The following ASRGL1 variants were observed in gnomAD, a reference collection of about 807,000 sequenced individuals.
ASRGL1 encodes the protein isoaspartyl peptidase/L-asparaginase.
ASRGL1 carries 16 observed loss-of-function variants against 22.4 expected under a neutral mutation model. The ratio of observed to expected loss-of-function variants is 0.71; its 90% confidence interval spans 0.48 to 1.08. The LOEUF (loss-of-function observed/expected upper bound fraction) is 1.08. Ranked by LOEUF, ASRGL1 falls within the 50% of genes least tolerant of loss-of-function variation. ASRGL1 has a pLI of 0.00. For missense variants in ASRGL1, 412 were observed against 410.1 expected (o/e 1.00, Z -0.04); for synonymous variants, 165 against 159.3 (o/e 1.04, Z -0.27).
At chr11:62,357,296 C>A in intron 4 of ASRGL1, 152 bp downstream of exon 4, 2 of 939,692 alleles carry the variant, frequency 2.1e-6, no homozygotes, top group Non-Finnish European at 3.1e-6. Flanking sequence ...GTTGCCCAGA[C>A]TGGAGTACAG....
At chr11:62,351,679 G>T (rs1946170459) in intron 2 of ASRGL1, among the ~76,000 whole-genome samples, 1 of 151,406 alleles carries the variant, frequency 6.6e-6, no homozygotes. Context: ...TTTTTTTGGT[G>T]GGGGTGGGGA....
chr11:62,366,653 T>C (rs1946617808), intron 4 of ASRGL1, among the ~76,000 whole-genome samples: 2 of 152,008 alleles, frequency 1.3e-5, no homozygotes, highest in Non-Finnish European at 2.9e-5. Flanking sequence ...TTCTTATCAG[T>C]CTCATTGTTT....
chr11:62,338,297 A>G (rs1327911471), intron 2 of ASRGL1, 130 bp downstream of exon 2: 1 of 1,024,020 alleles, frequency 9.8e-7, no homozygotes, highest in Non-Finnish European at 1.3e-6. Context: ...AAAAAGAAAC[A>G]ATATTTAATT....
At chr11:62,395,587 G>T (rs1457556953), downstream of ASRGL1, among the ~76,000 whole-genome samples, 1 of 152,036 alleles carries the variant, frequency 6.6e-6, no homozygotes, top group South Asian at 2.1e-4. Context: ...AAAGGAAGGA[G>T]TGGGGCACAC....
Position 62,392,471 on chromosome 11 carries a change from T to TA in ASRGL1, c.*188dup, listed in dbSNP as rs1947364449. The TA allele has an allele frequency of 1.5e-6, 1 of 683,242 alleles. No individual in the cohort carries two copies. The highest frequency in any genetic ancestry group is 2.4e-6 in the Non-Finnish European group (1 of 409,312). 42.3% of individuals were successfully genotyped at this position (683,242 alleles called of 1,614,324 possible). A position where few individuals can be genotyped will look rare whatever the true frequency, so the allele number is the denominator to read the frequency against. ...TCTGAAGCGATGAGAGAAATGCCCG[T>TA]ATTAGGAGGATTACTTGAGCCCAGG... On this transcript the variant is annotated 3_prime_UTR_variant, in exon 7 of 7. Coordinates refer to ENST00000415229, the MANE Select transcript of ASRGL1 (RefSeq NM_001083926.2).
intron 4 of ASRGL1, among the ~76,000 whole-genome samples, chr11:62,387,095 G>C (rs958813521): frequency 7.3e-5 from 11 of 150,342 alleles, no homozygotes; most frequent in African/African-American, 2.5e-4. Flanking sequence ...TAGAGACAGA[G>C]TTTCACCATG....
intron 4 of ASRGL1, among the ~76,000 whole-genome samples, chr11:62,361,569 C>T (rs1470662263): frequency 2.0e-5 from 3 of 147,860 alleles, no homozygotes; most frequent in Non-Finnish European, 3.0e-5. Context: ...CTCACTGCAA[C>T]CTCCGCCTCC....
At chr11:62,379,685 G>T (rs1028641567) in intron 4 of ASRGL1, among the ~76,000 whole-genome samples, 3 of 152,200 alleles carry the variant, frequency 2.0e-5, no homozygotes, top group African/African-American at 7.2e-5. Flanking sequence ...GAGACTGCTT[G>T]TATAGTACAT....
intron 2 of ASRGL1, among the ~76,000 whole-genome samples, chr11:62,355,937 G>A (rs1377607963): frequency 6.6e-6 from 1 of 152,142 alleles, no homozygotes; most frequent in East Asian, 1.9e-4. Flanking sequence ...CAGGGTTGGG[G>A]GTAAGGTCAC....
intron 4 of ASRGL1, among the ~76,000 whole-genome samples, chr11:62,385,788 C>T (rs1947187092): frequency 6.6e-6 from 1 of 152,148 alleles, no homozygotes; most frequent in South Asian, 2.1e-4. Flanking sequence ...CACTTGTACC[C>T]AGTAGGTGGA....
chr11:62,355,661 TCTCG>T (rs1946270070), intron 2 of ASRGL1, among the ~76,000 whole-genome samples: 1 of 151,690 alleles, frequency 6.6e-6, no homozygotes, highest in East Asian at 1.9e-4. Context: ...CTTGGGTGTT[TCTCG>T]CAGAGGGGGA....
In ASRGL1 at chr11:62,391,717, A is replaced by G. The variant is rs961175302; in HGVS notation, c.721+85A>G. Reference sequence around the variant, plus strand: ...GATAAGTAAGCGCATGGAGAAGTGTAGGAAACCCTTTCCTGTTGGCTACAG... The same window carrying G: ...GATAAGTAAGCGCATGGAGAAGTGTGGGAAACCCTTTCCTGTTGGCTACAG... On this transcript the variant is annotated intron_variant, in intron 6 of 6. Coordinates refer to ENST00000415229, the MANE Select transcript of ASRGL1 (RefSeq NM_001083926.2). 472 of 1,398,284 alleles carry G rather than the reference A, an allele frequency of 3.4e-4. 1 individual carries two copies. The highest frequency in any genetic ancestry group is 8.1e-4 in the Admixed American group (33 of 40,706). 86.6% of individuals were successfully genotyped at this position (1,398,284 alleles called of 1,614,324 possible). A position where few individuals can be genotyped will look rare whatever the true frequency, so the allele number is the denominator to read the frequency against.
At chr11:62,373,876 A>T (rs1363682865) in intron 4 of ASRGL1, among the ~76,000 whole-genome samples, 4 of 152,220 alleles carry the variant, frequency 2.6e-5, no homozygotes, top group Non-Finnish European at 5.9e-5. Context: ...AAATCAGGTG[A>T]TTATGGAACC....
chr11:62,390,325 C>T (rs1947309069), intron 5 of ASRGL1, among the ~76,000 whole-genome samples: 1 of 152,236 alleles, frequency 6.6e-6, no homozygotes, highest in Admixed American at 6.5e-5. Context: ...CTCTGCCTGG[C>T]CTTCTGAGGA....
At chr11:62,360,997 T>C (rs1327341229) in intron 4 of ASRGL1, among the ~76,000 whole-genome samples, 1 of 152,190 alleles carries the variant, frequency 6.6e-6, no homozygotes, top group South Asian at 2.1e-4. Context: ...ATGGAAATTT[T>C]CTAGGTTTCA....
chr11:62,390,934 G>A (rs1947321813), intron 5 of ASRGL1, among the ~76,000 whole-genome samples: 1 of 152,196 alleles, frequency 6.6e-6, no homozygotes, highest in South Asian at 2.1e-4. Flanking sequence ...AAGGCTGTAA[G>A]GTTGCTTAAT....
At chr11:62,400,527 G>A in the ASRGL1 span, among the ~76,000 whole-genome samples, 3 of 152,186 alleles carry the variant, frequency 2.0e-5, no homozygotes, top group Admixed American at 2.0e-4. Flanking sequence ...GGCTATTTCT[G>A]TGCAAGGCTT....
Position 62,383,495 on chromosome 11 carries a change from C to G in ASRGL1, c.492-5638C>G, listed in dbSNP as rs1282527642. On this transcript the variant is annotated intron_variant, in intron 4 of 6. Coordinates refer to ENST00000415229, the MANE Select transcript of ASRGL1 (RefSeq NM_001083926.2). The stretch of plus-strand genomic sequence containing the variant: ...GCGGGCGCCTGTAGTCCCAGCTACT[C>G]GGGAGGCTGAGGCAGGAGAATGGCG... Among the ~76,000 whole-genome samples, 10 of 143,590 alleles carry G rather than the reference C, an allele frequency of 7.0e-5. No homozygotes were observed. The East Asian group carries it at 1.9e-3, about 28-fold the overall frequency. 94.2% of individuals were successfully genotyped at this position (143,590 alleles called of 152,430 possible).
chr11:62,378,160 T>C (rs1946974941), intron 4 of ASRGL1, among the ~76,000 whole-genome samples: 1 of 152,194 alleles, frequency 6.6e-6, no homozygotes, highest in African/African-American at 2.4e-5. Flanking sequence ...TTTTAATGTG[T>C]CTTTTCTTAT....
Sources: gnomAD v4.1 joint callset for allele counts (sites outside exome capture counted in the v4.1 genomes callset) on GRCh38, gnomAD v4.1.1 for gene constraint, MANE v1.5 for transcripts, NCBI Gene and HGNC (gene_info 2026-07-23, HGNC 2026-07-21) for gene names.